The following KLHL4 variants were observed in gnomAD, a reference collection of about 807,000 sequenced individuals.
The protein encoded by KLHL4 is kelch like family member 4.
In KLHL4, 17 loss-of-function variants were observed where a neutral mutation model predicts 45.8. That is an observed-to-expected ratio of 0.37 (90% confidence interval 0.25 to 0.56). The LOEUF is 0.56. Ranked by LOEUF, KLHL4 falls within the 20% of genes least tolerant of loss-of-function variation. KLHL4 has a pLI of 0.79. For synonymous variants in KLHL4, 224 were observed against 189.9 expected (o/e 1.18, Z -1.47); for missense variants, 544 against 544.9 (o/e 1.00, Z 0.02).
chrX:87,614,524 A>G lies in KLHL4; in HGVS notation c.681A>G (p.Gly227=). 2.5e-6 allele frequency: 3 copies of G among 1,209,165 alleles called. No individual in the cohort carries two copies. Among genetic ancestry groups the G allele is most frequent in the Non-Finnish European group, 3.4e-6 (3 of 893,755 alleles). The change falls in exon 3 of 11, where the codon GGA becomes GGG. Residue 227 remains glycine, a synonymous_variant. Coordinates refer to ENST00000373119, the MANE Select transcript of KLHL4 (RefSeq NM_019117.5). ...AACAAGAAGAGGTCAGGATGGAAGGAGTAGATCCAAATGCACTAAATTCCT... is the reference window on the plus strand; with the variant it reads ...AACAAGAAGAGGTCAGGATGGAAGGGGTAGATCCAAATGCACTAAATTCCT... ...EAKQEEVRME[G]VDPNALNSLV... is the part of the protein sequence containing the mutation.
At chrX:87,557,597 A>T (rs1173070422) in intron 1 of KLHL4, among the ~76,000 whole-genome samples, 1 of 101,016 alleles carries the variant, frequency 9.9e-6, no homozygotes, top group Non-Finnish European at 2.0e-5. Flanking sequence ...AGTCATGCTT[A>T]CCAACCTAAA....
At chrX:87,655,335 A>G (rs1247920093) in intron 9 of KLHL4, among the ~76,000 whole-genome samples, 2 of 111,620 alleles carry the variant, frequency 1.8e-5, no homozygotes, top group Non-Finnish European at 3.8e-5. Flanking sequence ...CTCTTTTCTT[A>G]AGTAATATTT....
intron 6 of KLHL4, among the ~76,000 whole-genome samples, chrX:87,627,059 C>T (rs1410225338): frequency 9.0e-6 from 1 of 111,612 alleles, no homozygotes; most frequent in Non-Finnish European, 1.9e-5. Flanking sequence ...CCTTCAATGG[C>T]TTGTGTTGAA....
At chrX:87,633,643 A>T in intron 7 of KLHL4, 106 bp from the exon 8 acceptor site, 1 of 620,750 alleles carries the variant, frequency 1.6e-6, no homozygotes, top group Non-Finnish European at 2.4e-6. Flanking sequence ...AAAATCGTTT[A>T]ATAAGCAAAA....
chrX:87,533,880 T>C (rs1233177369), intron 1 of KLHL4, among the ~76,000 whole-genome samples: 2 of 110,578 alleles, frequency 1.8e-5, no homozygotes, highest in Non-Finnish European at 3.8e-5. Flanking sequence ...AGAGCCACAA[T>C]GAATGAATTA....
At chrX:87,604,316 T>A (rs1165771163) in intron 1 of KLHL4, among the ~76,000 whole-genome samples, 1 of 111,370 alleles carries the variant, frequency 9.0e-6, no homozygotes, top group East Asian at 2.8e-4. Flanking sequence ...GGTAGTACTA[T>A]TTGTATTTTT....
intron 7 of KLHL4, 41 bp from the exon 8 acceptor site, chrX:87,633,708 G>T (rs373142185): frequency 9.4e-7 from 1 of 1,062,700 alleles, no homozygotes; most frequent in Non-Finnish European, 1.3e-6. Context: ...TCAGTGTGTG[G>T]CATACCTAGG....
chrX:87,551,608 T>TAGATAGATAGATAGAAAGAA, intron 1 of KLHL4, among the ~76,000 whole-genome samples: 1 of 107,151 alleles, frequency 9.3e-6, no homozygotes, highest in East Asian at 3.1e-4. Context: ...GATAGATAGA[T>TAGATAGATAGATAGAAAGAA]AGAAATAGAA....
At chrX:87,554,285 T>A (rs1931912648) in intron 1 of KLHL4, among the ~76,000 whole-genome samples, 1 of 91,026 alleles carries the variant, frequency 1.1e-5, no homozygotes. Context: ...GGTGATGGCA[T>A]TGAATCTATA....
chrX:87,642,368 G>A (rs975300197), intron 9 of KLHL4, among the ~76,000 whole-genome samples: 1 of 111,643 alleles, frequency 9.0e-6, no homozygotes, highest in African/African-American at 3.3e-5. Flanking sequence ...GGAACATCCT[G>A]TGGGACAAAA....
At chrX:87,596,814 C>T (rs1028176116) in intron 1 of KLHL4, among the ~76,000 whole-genome samples, 4 of 112,341 alleles carry the variant, frequency 3.6e-5, no homozygotes, top group Non-Finnish European at 7.5e-5. Flanking sequence ...CTTGGGCAAC[C>T]ATCCAAATTC....
intron 9 of KLHL4, among the ~76,000 whole-genome samples, chrX:87,643,885 T>C (rs1025886384): frequency 2.7e-5 from 3 of 111,749 alleles, no homozygotes; most frequent in African/African-American, 9.8e-5. Flanking sequence ...AGAATCAGCA[T>C]ACAAGGGACA....
intron 10 of KLHL4, among the ~76,000 whole-genome samples, chrX:87,665,464 G>A (rs1035014329): frequency 1.8e-5 from 2 of 110,490 alleles, no homozygotes; most frequent in Admixed American, 1.9e-4. Flanking sequence ...AACAATAAGG[G>A]ACCAGAATTA....
chrX:87,559,795 A>G (rs747923072), intron 1 of KLHL4, among the ~76,000 whole-genome samples: 2 of 110,754 alleles, frequency 1.8e-5, no homozygotes, highest in East Asian at 5.8e-4. Context: ...ACTAATAACT[A>G]TAATCTAAGA....
At chrX:87,576,411 A>G (rs772333768) in intron 1 of KLHL4, among the ~76,000 whole-genome samples, 55 of 111,609 alleles carry the variant, frequency 4.9e-4, no homozygotes, top group Non-Finnish European at 8.3e-4. Flanking sequence ...CCCCAAACAA[A>G]TAAATTATAA....
intron 9 of KLHL4, among the ~76,000 whole-genome samples, chrX:87,646,514 C>G (rs1013748047): frequency 1.5e-4 from 17 of 111,566 alleles, no homozygotes; most frequent in African/African-American, 4.9e-4. Flanking sequence ...GCCATACTCT[C>G]CAAAACAAAA....
At chrX:87,529,597 A>G (rs1321510280) in intron 1 of KLHL4, among the ~76,000 whole-genome samples, 1 of 111,465 alleles carries the variant, frequency 9.0e-6, no homozygotes, top group Non-Finnish European at 1.9e-5. Flanking sequence ...TAAATTCTCT[A>G]TATGTGAGCC....
chrX:87,644,876 C>A (rs1043607694), intron 9 of KLHL4, among the ~76,000 whole-genome samples: 10 of 111,924 alleles, frequency 8.9e-5, no homozygotes, highest in African/African-American at 3.2e-4. Flanking sequence ...GGATTCTCAT[C>A]TCCCACCTTA....
chrX:87,536,922 AAATTT>A (rs1421195600), intron 1 of KLHL4, among the ~76,000 whole-genome samples: 1 of 111,868 alleles, frequency 8.9e-6, no homozygotes, highest in Admixed American at 9.6e-5. Context: ...CATAAGTTTA[AAATTT>A]AATTTATCGG....
Sources: gnomAD v4.1 joint callset for allele counts (sites outside exome capture counted in the v4.1 genomes callset) on GRCh38, gnomAD v4.1.1 for gene constraint, MANE v1.5 for transcripts, NCBI Gene and HGNC (gene_info 2026-07-23, HGNC 2026-07-21) for gene names.